LPAR1: variants seen among roughly 807,000 people sequenced by gnomAD.
LPAR1 encodes the protein lysophosphatidic acid receptor 1.
LPAR1 carries 5 observed loss-of-function variants against 23.8 expected under a neutral mutation model. That is an observed-to-expected ratio of 0.21 (90% CI 0.11 to 0.44). LPAR1 has a LOEUF of 0.44. Among genes scored for constraint, LPAR1 ranks in the 20% least tolerant of loss-of-function variants. LPAR1 has a pLI of 0.99. For synonymous variants in LPAR1, 160 were observed against 164.7 expected, an observed-to-expected ratio of 0.97 and a Z score of 0.22; for missense variants, 311 against 482.8, an observed-to-expected ratio of 0.64 and a Z score of 3.33.
chr9:110,982,853 T>TAC (rs1163659443), intron 2 of LPAR1, among the ~76,000 whole-genome samples: 40 of 106,904 alleles, frequency 3.7e-4, no homozygotes, highest in Middle Eastern at 4.7e-3. Context: ...CAAAAATGTA[T>TAC]ATACACATAC....
At chr9:111,022,681 T>G (rs940781068) in intron 2 of LPAR1, among the ~76,000 whole-genome samples, 20 of 152,174 alleles carry the variant, frequency 1.3e-4, no homozygotes, top group Non-Finnish European at 2.6e-4. Context: ...AAGTATTTTT[T>G]AATCCAACCA....
chr9:110,880,463 C>T (rs1326990488), intron 5 of LPAR1, among the ~76,000 whole-genome samples: 6 of 152,150 alleles, frequency 3.9e-5, no homozygotes, highest in Admixed American at 1.3e-4. Flanking sequence ...ACTTTGCTTA[C>T]ATATGGAATG....
chr9:111,011,336 A>G (rs537621413), intron 2 of LPAR1, among the ~76,000 whole-genome samples: 1 of 152,330 alleles, frequency 6.6e-6, no homozygotes, highest in Non-Finnish European at 1.5e-5. Flanking sequence ...TAGTCACTGC[A>G]GAATCTATTC....
intron 5 of LPAR1, among the ~76,000 whole-genome samples, chr9:110,939,081 G>A (rs1214122217): frequency 1.3e-5 from 2 of 152,140 alleles, no homozygotes; most frequent in African/African-American, 2.4e-5. Flanking sequence ...CCCCCAGGCT[G>A]AGCCCCAATT....
intron 2 of LPAR1, among the ~76,000 whole-genome samples, chr9:110,976,564 C>T (rs886162311): frequency 1.3e-5 from 2 of 152,068 alleles, no homozygotes; most frequent in African/African-American, 4.8e-5. Context: ...TCCAACCTGC[C>T]ACCAACCTAA....
chr9:110,878,026 G>A (rs2079586478), intron 5 of LPAR1, among the ~76,000 whole-genome samples: 1 of 152,180 alleles, frequency 6.6e-6, no homozygotes, highest in Admixed American at 6.5e-5. Context: ...ACTGAAGGCA[G>A]GAAGTGGGAA....
intron 5 of LPAR1, chr9:110,903,426 G>C (rs576668762): frequency 6.6e-6 from 1 of 152,072 alleles, no homozygotes; most frequent in African/African-American, 2.4e-5. Flanking sequence ...ATGCAAAGTC[G>C]TGACGCATTC....
intron 4 of LPAR1, among the ~76,000 whole-genome samples, chr9:110,971,729 C>CCCCAT: frequency 7.4e-6 from 1 of 134,428 alleles, no homozygotes; most frequent in Non-Finnish European, 1.7e-5. Context: ...CCCCACCCCA[C>CCCCAT]CCCCCGGCCC....
chr9:110,914,960 C>T lies in LPAR1; in HGVS notation c.793+26461G>A, dbSNP rs190360981. On this transcript the variant is annotated intron_variant, in intron 5 of 5. Transcript: ENST00000683809. ...AAAGAAACTTGAATAAAACAGATTT[C>T]GCAAGTTAAAAAAAAAAAGAATTTA... 9.8e-4 allele frequency among the ~76,000 whole-genome samples: 148 copies of T among 151,520 alleles called. 2 individuals are homozygous for T. Among genetic ancestry groups the T allele is most frequent in the Admixed American group, 3.0e-3 (46 of 15,242 alleles).
intron 2 of LPAR1, among the ~76,000 whole-genome samples, chr9:111,032,485 T>C (rs1024992091): frequency 6.6e-6 from 1 of 152,120 alleles, no homozygotes; most frequent in African/African-American, 2.4e-5. Context: ...TCACCCCTAG[T>C]AAAACTAGCA....
intron 2 of LPAR1, among the ~76,000 whole-genome samples, chr9:110,997,505 A>G (rs2097037490): frequency 6.6e-6 from 1 of 152,190 alleles, no homozygotes; most frequent in Non-Finnish European, 1.5e-5. Context: ...TAATATGGCT[A>G]TTTCTTCTCC....
chr9:110,926,022 G>A lies in LPAR1; in HGVS notation c.793+15399C>T, dbSNP rs187023084. Among the ~76,000 whole-genome samples, 186 of 152,260 alleles carry A rather than the reference G, an allele frequency of 1.2e-3. 1 individual carries two copies. Among genetic ancestry groups the A allele is most frequent in the African/African-American group, 4.3e-3 (178 of 41,544 alleles). ...TGCAAGCTCTGCCTCCCGGGTTCGC[G>A]CCATTCTCCTGCCTCAGTCTCCTGA... is the stretch of plus-strand genomic sequence containing the variant. On this transcript the variant is annotated intron_variant, in intron 5 of 5. Transcript: ENST00000683809.
At chr9:110,985,913 T>C (rs1285588734) in intron 2 of LPAR1, among the ~76,000 whole-genome samples, 1 of 151,972 alleles carries the variant, frequency 6.6e-6, no homozygotes, top group South Asian at 2.1e-4. Context: ...ATTTCTGAGT[T>C]GGAGAAAATT....
At chr9:110,950,972 T>A (rs543868987) in intron 4 of LPAR1, among the ~76,000 whole-genome samples, 2 of 152,266 alleles carry the variant, frequency 1.3e-5, no homozygotes, top group South Asian at 4.1e-4. Context: ...TACTACATTT[T>A]AAAGTGATGG....
chr9:110,986,360 G>A (rs867005396), intron 2 of LPAR1, among the ~76,000 whole-genome samples: 48 of 152,140 alleles, frequency 3.2e-4, no homozygotes, highest in Middle Eastern at 6.8e-3. Flanking sequence ...AACCACAGAT[G>A]AGTCTTGAAA....
At chr9:110,987,812 G>GT in intron 2 of LPAR1, among the ~76,000 whole-genome samples, 1 of 151,948 alleles carries the variant, frequency 6.6e-6, no homozygotes, top group South Asian at 2.1e-4. Flanking sequence ...AACTGTACAC[G>GT]TAACTGGAGT....
At chr9:110,986,782 G>C (rs1424045938) in intron 2 of LPAR1, among the ~76,000 whole-genome samples, 2 of 151,032 alleles carry the variant, frequency 1.3e-5, no homozygotes, top group Non-Finnish European at 2.9e-5. Flanking sequence ...ACAGCAGAGA[G>C]TTCTCTTAAC....
In LPAR1 at chr9:110,965,318, C is replaced by T. The variant is rs1588580979; in HGVS notation, c.45+6755G>A. On this transcript the variant is annotated intron_variant, in intron 4 of 5. Coordinates refer to ENST00000683809, the MANE Select transcript of LPAR1 (RefSeq NM_001351411.2). The stretch of plus-strand genomic sequence containing the variant: ...ATATCTTTATGTTCTTGACTTAAAA[C>T]CAAAATGGTTGTGAACAGGCAACCT... Among the ~76,000 whole-genome samples the T allele has an allele frequency of 2.0e-5, 3 of 152,210 alleles. 1 individual carries two copies. In the South Asian group the frequency reaches 6.2e-4, roughly 32 times the overall value.
chr9:111,031,812 T>C (rs2097800465), intron 2 of LPAR1, among the ~76,000 whole-genome samples: 1 of 152,220 alleles, frequency 6.6e-6, no homozygotes. Flanking sequence ...TTCAAGCATA[T>C]AAAATGAAAA....
Sources: gnomAD v4.1 joint callset for allele counts (sites outside exome capture counted in the v4.1 genomes callset) on GRCh38, gnomAD v4.1.1 for gene constraint, MANE v1.5 for transcripts, NCBI Gene and HGNC (gene_info 2026-07-23, HGNC 2026-07-21) for gene names.